The following KIAA0825 variants were observed in gnomAD, a reference collection of about 807,000 sequenced individuals.
The protein encoded by KIAA0825 is uncharacterized protein KIAA0825.
KIAA0825 carries 119 observed loss-of-function variants against 147.6 expected under a neutral mutation model. The observed-to-expected ratio is 0.81, with a 90% CI of 0.69 to 0.94. KIAA0825 has a LOEUF of 0.94. Among genes scored for constraint, KIAA0825 ranks in the 40% least tolerant of loss-of-function variants. KIAA0825 has a pLI of 0.00. For synonymous variants in KIAA0825, 470 were observed against 518.1 expected (o/e 0.91, Z 1.26); for missense variants, 1,381 against 1,472.7 (o/e 0.94, Z 1.02).
intron 6 of KIAA0825, among the ~76,000 whole-genome samples, 163 bp from the exon 7 acceptor site, chr5:94,477,368 G>T (rs1030716828): frequency 2.0e-5 from 3 of 151,280 alleles, no homozygotes; most frequent in Non-Finnish European, 2.9e-5. Flanking sequence ...AGAGAATATA[G>T]TCAAAAAGAT....
intron 20 of KIAA0825, among the ~76,000 whole-genome samples, chr5:94,361,213 AT>A (rs1745009583): frequency 1.3e-5 from 2 of 152,158 alleles, no homozygotes; most frequent in Admixed American, 1.3e-4. Flanking sequence ...AAGTTTTTTC[AT>A]ATTTAAAAAT....
chr5:94,428,456 C>T (rs761695413), intron 14 of KIAA0825, among the ~76,000 whole-genome samples: 1 of 152,036 alleles, frequency 6.6e-6, no homozygotes, highest in Non-Finnish European at 1.5e-5. Context: ...AATAAATTCC[C>T]TTAGTGCTTG....
At chr5:94,347,420 C>T (rs559368309) in intron 20 of KIAA0825, among the ~76,000 whole-genome samples, 1 of 152,346 alleles carries the variant, frequency 6.6e-6, no homozygotes, top group East Asian at 1.9e-4. Flanking sequence ...GCCACTTCCA[C>T]CGGAACAGGC....
At chr5:94,547,022 A>G (rs1774550216) in intron 2 of KIAA0825, among the ~76,000 whole-genome samples, 4 of 151,892 alleles carry the variant, frequency 2.6e-5, no homozygotes, top group Admixed American at 2.6e-4. Flanking sequence ...AGATTAAAAT[A>G]AAAAGAATCA....
chr5:94,380,685 C>T (rs1748278952), intron 20 of KIAA0825, among the ~76,000 whole-genome samples: 1 of 152,218 alleles, frequency 6.6e-6, no homozygotes, highest in Non-Finnish European at 1.5e-5. Flanking sequence ...ACATTTGTCT[C>T]AGATGGACAA....
rs70978114 is a variant in KIAA0825 at position 94,554,716 on chromosome 5, CTATATATATATATATATA to C, written c.-1-17607_-1-17590del. ...TATGAGCCAGGCATTGTTCTGTGTA[CTATATATATATATATATA>C]TATATATATATATATATATATATAT... On this transcript the variant is annotated intron_variant, in intron 2 of 20. Coordinates refer to ENST00000682413, the MANE Select transcript of KIAA0825 (RefSeq NM_001145678.3). Among the ~76,000 whole-genome samples, 90 of 67,096 alleles carry C rather than the reference CTATATATATATATATATA, an allele frequency of 1.3e-3. 1 individual carries two copies. The highest frequency in any genetic ancestry group is 2.3e-3 in the South Asian group (4 of 1,712). 44.0% of individuals were successfully genotyped at this position (67,096 alleles called of 152,430 possible).
chr5:94,206,284 C>G (rs1176927045), intron 20 of KIAA0825, among the ~76,000 whole-genome samples: 1 of 152,090 alleles, frequency 6.6e-6, no homozygotes, highest in Non-Finnish European at 1.5e-5. Context: ...TCCATTATTT[C>G]ACTGTGTCAC....
At chr5:94,569,474 G>A (rs1002408426) in intron 2 of KIAA0825, 12 of 409,634 alleles carry the variant, frequency 2.9e-5, no homozygotes, top group African/African-American at 1.2e-4. Context: ...CATTATTCTC[G>A]CACGGACTAC....
At chr5:94,511,212 CTG>C (rs1185311744) in intron 5 of KIAA0825, among the ~76,000 whole-genome samples, 5 of 152,216 alleles carry the variant, frequency 3.3e-5, no homozygotes, top group African/African-American at 1.2e-4. Context: ...GGCCTCCAGA[CTG>C]TGAGAAATAA....
Position 94,342,487 on chromosome 5 carries a change from C to A in KIAA0825, c.3710+41881G>T, listed in dbSNP as rs577947948. ...TGAGATGTCTAAAATTCAGAGGATTCAATTTTAAGGATTTTGATTTTTAGA... is the reference window on the plus strand; with the variant it reads ...TGAGATGTCTAAAATTCAGAGGATTAAATTTTAAGGATTTTGATTTTTAGA... On this transcript the variant is annotated intron_variant, in intron 20 of 20. Coordinates refer to ENST00000682413, the MANE Select transcript of KIAA0825 (RefSeq NM_001145678.3). 3.3e-5 allele frequency among the ~76,000 whole-genome samples: 5 copies of A among 152,184 alleles called. No homozygotes were observed. The East Asian group carries it at 9.6e-4, about 29-fold the overall frequency.
Position 94,163,312 on chromosome 5 carries a change from A to C in KIAA0825, c.3711-9188T>G, listed in dbSNP as rs138988633. Among the ~76,000 whole-genome samples, 62 of 152,310 alleles carry C rather than the reference A, an allele frequency of 4.1e-4. 1 individual carries two copies. The East Asian group carries it at 8.5e-3, about 21-fold the overall frequency. ...GAGACCTTTTGTAGGTCACTATTTA[A>C]ACATTTAATTTCTGGTGATGTGACA... On this transcript the variant is annotated intron_variant, in intron 20 of 20. Coordinates refer to ENST00000682413, the MANE Select transcript of KIAA0825 (RefSeq NM_001145678.3).
At chr5:94,214,275 A>G (rs1045295199) in intron 20 of KIAA0825, among the ~76,000 whole-genome samples, 1 of 152,172 alleles carries the variant, frequency 6.6e-6, no homozygotes, top group African/African-American at 2.4e-5. Context: ...GGATCTCTAT[A>G]AAGATCATAC....
chr5:94,533,437 C>T (rs1414654451), intron 3 of KIAA0825, among the ~76,000 whole-genome samples: 9 of 151,584 alleles, frequency 5.9e-5, no homozygotes, highest in Non-Finnish European at 1.2e-4. Flanking sequence ...CCACCACGCC[C>T]GGCTGATTTT....
intron 14 of KIAA0825, among the ~76,000 whole-genome samples, chr5:94,433,907 A>C (rs1756013170): frequency 6.6e-6 from 1 of 152,238 alleles, no homozygotes; most frequent in Non-Finnish European, 1.5e-5. Flanking sequence ...CTAGCAGGAA[A>C]GGTTACCTGC....
chr5:94,181,098 C>G (rs1340974520), intron 20 of KIAA0825, among the ~76,000 whole-genome samples: 2 of 152,128 alleles, frequency 1.3e-5, no homozygotes, highest in African/African-American at 4.8e-5. Context: ...TTAACAGCTG[C>G]TGAGCAGAAG....
chr5:94,359,440 G>A (rs764939315), intron 20 of KIAA0825, among the ~76,000 whole-genome samples: 1 of 152,110 alleles, frequency 6.6e-6, no homozygotes, highest in African/African-American at 2.4e-5. Flanking sequence ...GTAATTCTTA[G>A]ACTTATTACT....
At chr5:94,343,419 G>A (rs1026455269) in intron 20 of KIAA0825, among the ~76,000 whole-genome samples, 13 of 152,268 alleles carry the variant, frequency 8.5e-5, no homozygotes, top group African/African-American at 1.9e-4. Context: ...GGCCAGGTGT[G>A]GTGGCTCACA....
chr5:94,293,443 A>G (rs1259752273), intron 20 of KIAA0825, among the ~76,000 whole-genome samples: 9 of 152,164 alleles, frequency 5.9e-5, no homozygotes, highest in Non-Finnish European at 1.2e-4. Flanking sequence ...CTTAATCCTG[A>G]GTTCTAATTT....
chr5:94,284,302 G>C (rs1245931255), intron 20 of KIAA0825, among the ~76,000 whole-genome samples: 1 of 152,036 alleles, frequency 6.6e-6, no homozygotes, highest in Non-Finnish European at 1.5e-5. Flanking sequence ...GAATGTATAT[G>C]AAGTGGGTGG....
Sources: allele counts gnomAD v4.1 joint callset (sites outside exome capture counted in the v4.1 genomes callset), GRCh38; gene constraint gnomAD v4.1.1; transcripts MANE v1.5; gene names NCBI Gene and HGNC (gene_info 2026-07-23, HGNC 2026-07-21).